RMDN3: variants seen among roughly 807,000 people sequenced by gnomAD.
RMDN3 encodes regulator of microtubule dynamics 3, also known as regulator of microtubule dynamics protein 3.
RMDN3 carries 41 observed loss-of-function variants against 61.8 expected under a neutral mutation model. That is an observed-to-expected ratio of 0.66 (90% CI 0.52 to 0.86). RMDN3 has a LOEUF of 0.86. Ranked by LOEUF, RMDN3 falls within the 40% of genes least tolerant of loss-of-function variation. The pLI, the probability that RMDN3 is intolerant of heterozygous loss-of-function variation, is 0.00. For missense variants in RMDN3, 557 were observed against 585.3 expected (o/e 0.95, Z 0.50); for synonymous variants, 247 against 232.0 (o/e 1.06, Z -0.59).
Position 40,752,006 on chromosome 15 carries a change from C to T in RMDN3, c.360G>A (p.Gly120=). 1 of 1,614,040 alleles carries T rather than the reference C, an allele frequency of 6.2e-7. No homozygotes were observed. Among genetic ancestry groups the T allele is most frequent in the Non-Finnish European group, 8.5e-7 (1 of 1,179,952 alleles). ...ELRSSLRGLA[G]EIVGEVRCHM... is the part of the protein sequence containing the mutation. ...CTCACCGGACCTCCCCAACAATCTC[C>T]CCCGCAAGCCCTCGCAGGCTGCTTC... The change falls in exon 3 of 13, where the codon GGG becomes GGA. Residue 120 remains glycine, a synonymous_variant. Coordinates refer to ENST00000338376, the MANE Select transcript of RMDN3 (RefSeq NM_018145.3).
At chr15:40,738,367 G>A (rs1227040414) in intron 8 of RMDN3, 134 bp downstream of exon 8, 2 of 813,102 alleles carry the variant, frequency 2.5e-6, no homozygotes, top group African/African-American at 1.8e-5. Flanking sequence ...GGGCGATAGA[G>A]TGAGACTCTG....
chr15:40,736,556 G>T lies in RMDN3; in HGVS notation c.1398C>A (p.Val466=), dbSNP rs144065093. 6.2e-7 allele frequency: 1 copy of T among 1,613,992 alleles called. No individual in the cohort carries two copies. Among genetic ancestry groups the T allele is most frequent in the Non-Finnish European group, 8.5e-7 (1 of 1,179,944 alleles). ...TGAAACGTGGTTAGTCTCGTAAAAT[G>T]ACTTCCAGTTCTTCCAGGTCCTTCT... is the stretch of plus-strand genomic sequence containing the variant. The part of the protein sequence containing the change: ...AIQKDLEELE[V]ILRD The change falls in exon 13 of 13, where the codon GTC becomes GTA. Residue 466 remains valine (V), a synonymous_variant. Transcript: ENST00000338376.
In RMDN3 at chr15:40,736,161, C is replaced by G. The variant is rs1897032347; in HGVS notation, c.*380G>C. On this transcript the variant is annotated 3_prime_UTR_variant, in exon 13 of 13. Coordinates refer to ENST00000338376, the MANE Select transcript of RMDN3 (RefSeq NM_018145.3). ...ACTATATGTACTGAGTCCTATTAGT[C>G]AGTGAAAAAGATTAAAGTGACAAGT... 1 of 206,206 alleles carries G rather than the reference C, an allele frequency of 4.8e-6. No homozygotes were observed. 12.8% of individuals were successfully genotyped at this position (206,206 alleles called of 1,614,324 possible). A position where few individuals can be genotyped will look rare whatever the true frequency, so the allele number is the denominator to read the frequency against.
chr15:40,737,752 A>G, intron 9 of RMDN3, 26 bp from the exon 10 acceptor site: 1 of 1,603,408 alleles, frequency 6.2e-7, no homozygotes, highest in South Asian at 1.1e-5. Context: ...CAAGGTGTGT[A>G]TAAGAGGTTT....
At chr15:40,745,972 G>A (rs1281870809) in intron 4 of RMDN3, among the ~76,000 whole-genome samples, 1 of 152,176 alleles carries the variant, frequency 6.6e-6, no homozygotes, top group Non-Finnish European at 1.5e-5. Context: ...TGTGAGGAGA[G>A]GTGATAGGAA....
In RMDN3 at chr15:40,753,409, G is replaced by A. The variant is rs181443301; in HGVS notation, c.187+1188C>T. Among the ~76,000 whole-genome samples the A allele has an allele frequency of 6.2e-4, 94 of 152,258 alleles. 1 individual carries two copies. Among genetic ancestry groups the A allele is most frequent in the Middle Eastern group, 6.8e-3 (2 of 294 alleles). ...CACCTGTGATCCCAGCTACTCGGGA[G>A]GCTGAGGCACGAGAATCACTTGAAC... On this transcript the variant is annotated intron_variant, in intron 2 of 12. Coordinates refer to ENST00000338376, the MANE Select transcript of RMDN3 (RefSeq NM_018145.3).
At chr15:40,738,736 C>G (rs956791701) in intron 7 of RMDN3, 160 bp from the exon 8 acceptor site, 1 of 660,326 alleles carries the variant, frequency 1.5e-6, no homozygotes, top group Non-Finnish European at 2.7e-6. Context: ...CCATTCTTTA[C>G]GGACCTCTGG....
In RMDN3 at chr15:40,738,653, T is replaced by C. The variant is rs1003308786; in HGVS notation, c.972-77A>G. ...AGGAATGGATGCCCCAACCACAGCCTAGTTGCATTGTCCCCTATCCCTGTA... is the reference window on the plus strand; with the variant it reads ...AGGAATGGATGCCCCAACCACAGCCCAGTTGCATTGTCCCCTATCCCTGTA... On this transcript the variant is annotated intron_variant, in intron 7 of 12. Transcript: ENST00000338376. The C allele has an allele frequency of 8.5e-6, 12 of 1,418,822 alleles. No individual in the cohort carries two copies. The African/African-American group carries it at 1.7e-4, about 20-fold the overall frequency. The allele number at this position is 1,418,822 out of a possible 1,614,324, so 87.9% of individuals were successfully genotyped here.
intron 12 of RMDN3, 125 bp downstream of exon 12, chr15:40,736,999 G>A (rs1314249189): frequency 2.4e-5 from 19 of 789,708 alleles, no homozygotes; most frequent in South Asian, 7.7e-5. Flanking sequence ...AATTATAGGC[G>A]TGCGCCACTA....
rs1361374045 is a variant in RMDN3 at position 40,744,138 on chromosome 15, C to T, written c.819G>A (p.Arg273=). The T allele has an allele frequency of 1.2e-6, 2 of 1,613,390 alleles. No homozygotes were observed. Among genetic ancestry groups the T allele is most frequent in the Non-Finnish European group, 8.5e-7 (1 of 1,180,022 alleles). ...GGGCCAGGCGCCAGAGAAAGTCCTG[C>T]CGGCTTCCATACTGCAGACCAGACA... ...LLNNKLVYGS[R]QDFLWRLARA... is the part of the protein sequence containing the mutation. Residue 273 remains arginine (R), a synonymous_variant, in exon 6 of 13, where the codon CGG becomes CGA. Transcript: ENST00000338376.
chr15:40,739,944 C>T (rs1397360493), intron 7 of RMDN3, among the ~76,000 whole-genome samples, 189 bp downstream of exon 7: 2 of 152,156 alleles, frequency 1.3e-5, no homozygotes, highest in Non-Finnish European at 2.9e-5. Context: ...ATCCCTAAGC[C>T]ACCTCCCCTA....
chr15:40,739,501 T>G (rs1897196878), intron 7 of RMDN3: 1 of 152,520 alleles, frequency 6.6e-6, no homozygotes, highest in African/African-American at 2.4e-5. Context: ...TAGCTCACAG[T>G]CTGAGGGTGG....
intron 4 of RMDN3, among the ~76,000 whole-genome samples, chr15:40,748,407 G>A (rs978748062): frequency 1.3e-5 from 2 of 152,240 alleles, no homozygotes; most frequent in Admixed American, 6.5e-5. Context: ...CTCATGCCAC[G>A]GGACTGGGCA....
intron 10 of RMDN3, 64 bp from the exon 11 acceptor site, chr15:40,737,405 T>TTAAAC: frequency 6.8e-7 from 1 of 1,476,994 alleles, no homozygotes; most frequent in Non-Finnish European, 9.5e-7. Context: ...CTGAAGTTTA[T>TTAAAC]TAAACTAGAT....
chr15:40,736,551 A>AAAATGACTTCCAGTTCTTCC lies in RMDN3; in HGVS notation c.1383_1402dup (p.Leu468TrpfsTer20). 1 of 1,614,024 alleles carries AAAATGACTTCCAGTTCTTCC rather than the reference A, an allele frequency of 6.2e-7. No individual in the cohort carries two copies. Among genetic ancestry groups the AAAATGACTTCCAGTTCTTCC allele is most frequent in the Non-Finnish European group, 8.5e-7 (1 of 1,179,932 alleles). On this transcript the variant is annotated frameshift_variant, in exon 13 of 13. Transcript: ENST00000338376. LOFTEE classifies it high-confidence loss of function. ...GCCAGTGAAACGTGGTTAGTCTCGT[A>AAAATGACTTCCAGTTCTTCC]AAATGACTTCCAGTTCTTCCAGGTC...
Position 40,738,411 on chromosome 15 carries a change from G to C in RMDN3, c.1047+90C>G, listed in dbSNP as rs114812520. On this transcript the variant is annotated intron_variant, in intron 8 of 12. Transcript: ENST00000338376. ...AAAAAGAAGAAAGGCAAGTCACTGA[G>C]GCTGTAGAAAAGTTTTTGGCAGGGA... 554 of 1,188,740 alleles carry C rather than the reference G, an allele frequency of 4.7e-4. 2 individuals carry two copies. The African/African-American group carries it at 7.6e-3, about 16-fold the overall frequency. 73.6% of individuals were successfully genotyped at this position (1,188,740 alleles called of 1,614,324 possible). A position where few individuals can be genotyped will look rare whatever the true frequency, so the allele number is the denominator to read the frequency against.
chr15:40,752,723 T>C (rs1897882016), intron 2 of RMDN3, among the ~76,000 whole-genome samples: 1 of 151,962 alleles, frequency 6.6e-6, no homozygotes, highest in African/African-American at 2.4e-5. Context: ...AAAAAGCCCA[T>C]CCAAACTGCC....
In RMDN3 at chr15:40,744,066, C is replaced by T. The variant is rs2141911051; in HGVS notation, c.891G>A (p.Lys297=). 6.2e-7 allele frequency: 1 copy of T among 1,613,284 alleles called. No individual in the cohort carries two copies. Among genetic ancestry groups the T allele is most frequent in the Admixed American group, 1.7e-5 (1 of 59,954 alleles). Residue 297 remains lysine (K), a synonymous_variant, in exon 6 of 13, where the codon AAG becomes AAA. Coordinates refer to ENST00000338376, the MANE Select transcript of RMDN3 (RefSeq NM_018145.3). ...ACTTACCATCTAGGGCATATGACTTCTTCTCGCTCACCTCCTCAGTGAGCT... is the reference window on the plus strand; with the variant it reads ...ACTTACCATCTAGGGCATATGACTTTTTCTCGCTCACCTCCTCAGTGAGCT... ...MCELTEEVSE[K]KSYALDGKEE...
chr15:40,744,930 TGGAG>T (rs754147339), intron 5 of RMDN3, 43 bp downstream of exon 5: 5 of 1,529,080 alleles, frequency 3.3e-6, no homozygotes, highest in African/African-American at 1.4e-5. Context: ...AACAGAGAGA[TGGAG>T]GGAGGGAGGG....
Sources: gnomAD v4.1 joint callset for allele counts (sites outside exome capture counted in the v4.1 genomes callset) on GRCh38, gnomAD v4.1.1 for gene constraint, MANE v1.5 for transcripts, NCBI Gene and HGNC (gene_info 2026-07-23, HGNC 2026-07-21) for gene names.